PCCA: variants seen among roughly 807,000 people sequenced by gnomAD.
The protein encoded by PCCA is propionyl-CoA carboxylase subunit alpha.
PCCA carries 74 observed loss-of-function variants against 101.3 expected under a neutral mutation model. The observed-to-expected ratio is 0.73, with a 90% confidence interval of 0.61 to 0.89. The LOEUF is 0.89. PCCA is among the 40% of genes least tolerant of loss of function. The pLI is 0.00. For synonymous variants in PCCA, 294 were observed against 313.6 expected (o/e 0.94, Z 0.66); for missense variants, 891 against 907.0 (o/e 0.98, Z 0.23).
intron 8 of PCCA, among the ~76,000 whole-genome samples, chr13:100,247,271 A>G (rs531329101): frequency 2.6e-4 from 37 of 141,440 alleles, no homozygotes; most frequent in Admixed American, 2.5e-3. Flanking sequence ...AGACGGGAGT[A>G]CAGTGGCATG....
At chr13:100,402,799 G>C (rs890496775) in intron 19 of PCCA, among the ~76,000 whole-genome samples, 1 of 152,152 alleles carries the variant, frequency 6.6e-6, no homozygotes, top group Admixed American at 6.5e-5. Context: ...TAGAATAGGT[G>C]TCAGGTCATG....
chr13:100,118,168 T>C (rs899279100), intron 4 of PCCA, among the ~76,000 whole-genome samples: 2 of 151,910 alleles, frequency 1.3e-5, no homozygotes, highest in Non-Finnish European at 2.9e-5. Context: ...ATTGTGGCAT[T>C]TTACCCGTAA....
chr13:100,133,299 C>T (rs774015754), intron 4 of PCCA, among the ~76,000 whole-genome samples: 1 of 152,050 alleles, frequency 6.6e-6, no homozygotes, highest in Non-Finnish European at 1.5e-5. Flanking sequence ...AATACAGGTC[C>T]TTTGTTGGAT....
intron 8 of PCCA, among the ~76,000 whole-genome samples, chr13:100,244,204 T>C (rs2061313072): frequency 6.6e-6 from 1 of 152,264 alleles, no homozygotes; most frequent in Non-Finnish European, 1.5e-5. Flanking sequence ...ATTAAAATAA[T>C]CTATGTGAAA....
At chr13:100,424,627 A>G (rs1159543286) in intron 19 of PCCA, among the ~76,000 whole-genome samples, 2 of 152,166 alleles carry the variant, frequency 1.3e-5, no homozygotes, top group African/African-American at 4.8e-5. Flanking sequence ...AGGGCACCTT[A>G]TACTTGTCAG....
chr13:100,446,373 T>A (rs578176591), intron 20 of PCCA, among the ~76,000 whole-genome samples: 1 of 152,244 alleles, frequency 6.6e-6, no homozygotes, highest in South Asian at 2.1e-4. Flanking sequence ...TGTCTTAACC[T>A]ATCTAATGTC....
At chr13:100,292,898 A>AT (rs1168473492) in intron 12 of PCCA, among the ~76,000 whole-genome samples, 2 of 151,454 alleles carry the variant, frequency 1.3e-5, no homozygotes, top group African/African-American at 4.9e-5. Context: ...TTGTGTTAAG[A>AT]TTAATATTAG....
chr13:100,198,486 TCA>T (rs2152459405), intron 6 of PCCA: 1 of 152,124 alleles, frequency 6.6e-6, no homozygotes, highest in Non-Finnish European at 1.5e-5. Context: ...ATTCATTCAT[TCA>T]TTCATTCATT....
intron 19 of PCCA, among the ~76,000 whole-genome samples, chr13:100,410,686 TA>T (rs916864022): frequency 4.6e-5 from 7 of 152,254 alleles, no homozygotes; most frequent in African/African-American, 1.7e-4. Flanking sequence ...AAATTGATGC[TA>T]TTTTTTTTAA....
intron 4 of PCCA, chr13:100,150,652 G>A: frequency 3.0e-6 from 4 of 1,331,506 alleles, no homozygotes; most frequent in Non-Finnish European, 4.3e-6. Context: ...TGATCCATTA[G>A]GTGTCAGGAT....
intron 9 of PCCA, among the ~76,000 whole-genome samples, chr13:100,258,185 A>G (rs928498453): frequency 3.3e-5 from 5 of 152,196 alleles, no homozygotes; most frequent in African/African-American, 9.6e-5. Context: ...TGTGTCCTTT[A>G]TATGGAATGC....
chr13:100,265,389 A>G (rs1373180444), intron 10 of PCCA, among the ~76,000 whole-genome samples: 1 of 152,198 alleles, frequency 6.6e-6, no homozygotes, highest in Non-Finnish European at 1.5e-5. Flanking sequence ...GTTGCATATT[A>G]AGTGAGACTT....
At chr13:100,150,986 T>C in intron 4 of PCCA, 11 of 1,520,526 alleles carry the variant, frequency 7.2e-6, no homozygotes, top group Non-Finnish European at 1.0e-5. Flanking sequence ...GAGAGCCCTG[T>C]GGAGAGCAGA....
At chr13:100,150,026 A>G (rs1278791332) in intron 4 of PCCA, among the ~76,000 whole-genome samples, 1 of 151,384 alleles carries the variant, frequency 6.6e-6, no homozygotes, top group Non-Finnish European at 1.5e-5. Context: ...ATGCAGGCAT[A>G]ATTCCCCCCC....
chr13:100,238,280 C>T (rs940105041), intron 8 of PCCA, among the ~76,000 whole-genome samples: 1 of 152,068 alleles, frequency 6.6e-6, no homozygotes, highest in Non-Finnish European at 1.5e-5. Flanking sequence ...TTAAGATAAC[C>T]AGCTCATCAT....
intron 19 of PCCA, among the ~76,000 whole-genome samples, chr13:100,405,906 A>C (rs2077647210): frequency 6.6e-6 from 1 of 151,124 alleles, no homozygotes; most frequent in South Asian, 2.1e-4. Context: ...AGCTGGAATT[A>C]AAGGTGTGCG....
At chr13:100,227,809 T>C (rs1318643713) in intron 7 of PCCA, among the ~76,000 whole-genome samples, 1 of 152,188 alleles carries the variant, frequency 6.6e-6, no homozygotes, top group Non-Finnish European at 1.5e-5. Context: ...TTTCCCTACC[T>C]CCTGATTGGA....
At chr13:100,182,963 C>T (rs1295765655) in intron 6 of PCCA, among the ~76,000 whole-genome samples, 1 of 152,128 alleles carries the variant, frequency 6.6e-6, no homozygotes, top group Non-Finnish European at 1.5e-5. Context: ...ACTAACTCTG[C>T]CACCAAATGT....
chr13:100,235,961 T>C (rs765782876), intron 8 of PCCA, 83 bp downstream of exon 8: 24 of 858,590 alleles, frequency 2.8e-5, no homozygotes, highest in African/African-American at 5.0e-5. Flanking sequence ...GTAATTCCCA[T>C]AGAGCAAATA....
Sources: gnomAD v4.1 joint callset for allele counts (sites outside exome capture counted in the v4.1 genomes callset) on GRCh38, gnomAD v4.1.1 for gene constraint, MANE v1.5 for transcripts, NCBI Gene and HGNC (gene_info 2026-07-23, HGNC 2026-07-21) for gene names.